Variants in ABHD18 observed in about 807,000 individuals in gnomAD.
ABHD18 encodes cardiolipin-specific deacylase, mitochondrial.
In ABHD18, 55 loss-of-function variants were observed where a neutral mutation model predicts 65.9. The observed-to-expected ratio is 0.84, with a 90% CI of 0.67 to 1.05. The LOEUF (loss-of-function observed/expected upper bound fraction) is 1.05, where lower values mean the gene tolerates loss of function less well. ABHD18 is among the 50% of genes least tolerant of loss of function. The pLI, the probability that ABHD18 is intolerant of heterozygous loss-of-function variation, is 0.00. For missense variants in ABHD18, 533 were observed against 558.5 expected (o/e 0.95, Z 0.46); for synonymous variants, 181 against 180.2 (o/e 1.00, Z -0.04).
chr4:127,969,955 C>T (rs1746408329), intron 1 of ABHD18, among the ~76,000 whole-genome samples: 1 of 151,996 alleles, frequency 6.6e-6, no homozygotes, highest in African/African-American at 2.4e-5. Context: ...CATTGTGTTG[C>T]CAGGGCTTGT....
intron 4 of ABHD18, among the ~76,000 whole-genome samples, chr4:128,004,244 G>C (rs1243356258): frequency 1.3e-5 from 2 of 151,904 alleles, no homozygotes; most frequent in Non-Finnish European, 2.9e-5. Flanking sequence ...CTGAGGTCAG[G>C]GGTTCGAGAC....
intron 7 of ABHD18, among the ~76,000 whole-genome samples, chr4:128,014,226 T>A (rs1755096073): frequency 6.6e-6 from 1 of 151,984 alleles, no homozygotes; most frequent in Admixed American, 6.6e-5. Flanking sequence ...CAGGTGATCC[T>A]CCCGCCTCAG....
At chr4:127,985,010 G>C (rs1242842377) in intron 3 of ABHD18, among the ~76,000 whole-genome samples, 1 of 152,144 alleles carries the variant, frequency 6.6e-6, no homozygotes, top group Non-Finnish European at 1.5e-5. Context: ...CTCATTTTCT[G>C]TCTTTAGGCT....
At chr4:127,990,192 C>G (rs1454480084) in intron 4 of ABHD18, among the ~76,000 whole-genome samples, 3 of 152,176 alleles carry the variant, frequency 2.0e-5, no homozygotes, top group Non-Finnish European at 4.4e-5. Context: ...CAAACAATCA[C>G]AGAGAAGTTT....
intron 10 of ABHD18, among the ~76,000 whole-genome samples, chr4:128,023,369 C>T (rs1191608830): frequency 2.4e-5 from 3 of 122,662 alleles, no homozygotes; most frequent in African/African-American, 3.3e-5. Context: ...AGTTTGAGAC[C>T]AGCCTGGGAA....
chr4:128,007,575 CT>C (rs1753813179), intron 4 of ABHD18, among the ~76,000 whole-genome samples: 1 of 150,108 alleles, frequency 6.7e-6, no homozygotes, highest in Admixed American at 6.8e-5. Flanking sequence ...GACCCCATGT[CT>C]AAAAAAAATG....
intron 10 of ABHD18, 40 bp downstream of exon 10, chr4:128,021,278 G>T (rs1251704292): frequency 1.7e-6 from 2 of 1,171,686 alleles, no homozygotes; most frequent in Non-Finnish European, 2.5e-6. Context: ...GTGGTGGGGG[G>T]AGTTGATTGT....
chr4:128,033,738 A>C (rs1022310316), intron 12 of ABHD18, among the ~76,000 whole-genome samples: 1 of 151,302 alleles, frequency 6.6e-6, no homozygotes, highest in African/African-American at 2.4e-5. Context: ...GGGTTTCACC[A>C]TGTTAGCCAG....
chr4:127,985,521 T>G (rs1749792646), intron 3 of ABHD18, among the ~76,000 whole-genome samples: 3 of 152,120 alleles, frequency 2.0e-5, no homozygotes, highest in Non-Finnish European at 4.4e-5. Context: ...TCCCTGACCC[T>G]CAAATTTTGC....
intron 10 of ABHD18, 108 bp downstream of exon 10, chr4:128,021,346 C>G: frequency 4.5e-6 from 3 of 674,144 alleles, no homozygotes; most frequent in Middle Eastern, 5.3e-4. Context: ...CATAGCTGTA[C>G]ATACTATTTT....
In ABHD18 at chr4:127,966,884, CA is replaced by C. The variant is rs1177943709; in HGVS notation, c.-18+1294del. 7.6e-3 allele frequency among the ~76,000 whole-genome samples: 627 copies of C among 82,576 alleles called. 4 individuals carry two copies. The highest frequency in any genetic ancestry group is 0.022 in the African/African-American group (486 of 22,140). The allele number at this position is 82,576 out of a possible 152,430, so 54.2% of individuals were successfully genotyped here. On this transcript the variant is annotated intron_variant, in intron 1 of 12. Transcript: ENST00000645843. ...TGGGCAACAGAGTGAGATTCTGTCT[CA>C]AAAAAAAAAAAAAAACCAAAAACCT...
At position 128,030,676 on chromosome 4, in the gene ABHD18, A is replaced by G; in HGVS notation, c.1343+4A>G. 1 of 1,580,958 alleles carries G rather than the reference A, an allele frequency of 6.3e-7. No homozygotes were observed. The highest frequency in any genetic ancestry group is 8.5e-7 in the Non-Finnish European group (1 of 1,171,566). ...TTTTTAAACAAGGACTCTTCAGGTA[A>G]GACGGCTGGTCTAAACATGTATTCG... On this transcript the variant is annotated splice_donor_region_variant and intron_variant, in intron 12 of 12. Coordinates refer to ENST00000645843, the MANE Select transcript of ABHD18 (RefSeq NM_001358451.3).
At chr4:128,032,616 G>C (rs568954729) in intron 12 of ABHD18, among the ~76,000 whole-genome samples, 5 of 152,094 alleles carry the variant, frequency 3.3e-5, no homozygotes, top group Non-Finnish European at 7.4e-5. Flanking sequence ...AACCTGGGAG[G>C]TGGAGGTTGC....
Position 128,025,848 on chromosome 4 carries a change from C to T in ABHD18, c.802-2627C>T, listed in dbSNP as rs573875081. ...TAACTTAAGCATGAGGGAAGTTGAG[C>T]AAGTTTTTATAAGTTTAAGAGCAGT... is the stretch of plus-strand genomic sequence containing the variant. On this transcript the variant is annotated intron_variant, in intron 10 of 12. Coordinates refer to ENST00000645843, the MANE Select transcript of ABHD18 (RefSeq NM_001358451.3). 3.3e-5 allele frequency among the ~76,000 whole-genome samples: 5 copies of T among 152,248 alleles called. No individual in the cohort carries two copies. In the South Asian group the frequency reaches 1.0e-3, roughly 32 times the overall value.
At chr4:127,978,975 A>C (rs1748477789) in intron 1 of ABHD18, among the ~76,000 whole-genome samples, 1 of 152,232 alleles carries the variant, frequency 6.6e-6, no homozygotes, top group African/African-American at 2.4e-5. Flanking sequence ...TACATTGTAT[A>C]AATTCATCAT....
chr4:128,025,115 C>T (rs983199565), intron 10 of ABHD18, among the ~76,000 whole-genome samples: 3 of 152,184 alleles, frequency 2.0e-5, no homozygotes, highest in Non-Finnish European at 4.4e-5. Flanking sequence ...GTCCAATCCC[C>T]ATCAACAAAT....
rs921860306 is a variant in ABHD18, at chr4:128,038,483, T to C, written c.*2670T>C. ...TACTATGTTGTGTGAATTTCTATTG[T>C]TAAAAAAATGAAATGTTGATTTAGT... On this transcript the variant is annotated 3_prime_UTR_variant, in exon 13 of 13. Transcript: ENST00000645843. 4 of 152,198 alleles carry C rather than the reference T, an allele frequency of 2.6e-5. No homozygotes were observed. The highest frequency in any genetic ancestry group is 2.0e-4 in the Admixed American group (3 of 15,272). 9.4% of individuals were successfully genotyped at this position (152,198 alleles called of 1,614,324 possible).
At chr4:127,990,611 T>G (rs140000878) in intron 4 of ABHD18, among the ~76,000 whole-genome samples, 70 of 152,222 alleles carry the variant, frequency 4.6e-4, no homozygotes, top group African/African-American at 1.7e-3. Context: ...GTACATGTGT[T>G]GATTTTATAA....
intron 1 of ABHD18, among the ~76,000 whole-genome samples, chr4:127,969,755 T>TG (rs1746360510): frequency 6.6e-6 from 1 of 151,950 alleles, no homozygotes; most frequent in Admixed American, 6.6e-5. Flanking sequence ...TGGAATTTTT[T>TG]TTTTTTTTTG....
Sources: gnomAD v4.1 joint callset for allele counts (sites outside exome capture counted in the v4.1 genomes callset) on GRCh38, gnomAD v4.1.1 for gene constraint, MANE v1.5 for transcripts, NCBI Gene and HGNC (gene_info 2026-07-23, HGNC 2026-07-21) for gene names.